The following KIAA0040 variants were observed in gnomAD, a reference collection of about 807,000 sequenced individuals.
The protein encoded by KIAA0040 is uncharacterized protein KIAA0040.
In KIAA0040, 10 loss-of-function variants were observed where a neutral mutation model predicts 7.2. The ratio of observed to expected loss-of-function variants is 1.38; its 90% CI spans 0.85 to 2.34. The LOEUF is 2.34. Ranked by LOEUF, KIAA0040 falls within the 30% of genes most tolerant of loss-of-function variation. KIAA0040 has a pLI of 0.00. For missense variants in KIAA0040, 89 were observed against 108.2 expected (o/e 0.82, Z 0.79); for synonymous variants, 49 against 40.1 (o/e 1.22, Z -0.84).
At chr1:175,170,722 C>A (rs1008562554) in intron 2 of KIAA0040, among the ~76,000 whole-genome samples, 1 of 152,144 alleles carries the variant, frequency 6.6e-6, no homozygotes, top group African/African-American at 2.4e-5. Context: ...CATGGCCAGG[C>A]CTTTGCTGTC....
At chr1:175,190,499 G>T (rs1285313848) in intron 1 of KIAA0040, among the ~76,000 whole-genome samples, 3 of 152,102 alleles carry the variant, frequency 2.0e-5, no homozygotes, top group Non-Finnish European at 4.4e-5. Context: ...TCCACAATCT[G>T]CTTCCCAAGC....
chr1:175,182,080 T>G (rs1372830025), intron 1 of KIAA0040, among the ~76,000 whole-genome samples: 2 of 152,196 alleles, frequency 1.3e-5, no homozygotes, highest in African/African-American at 2.4e-5. Context: ...AGGAGGCTGC[T>G]CCTGATGTTC....
chr1:175,176,669 C>CGTTTTT (rs1677203535), intron 2 of KIAA0040, among the ~76,000 whole-genome samples: 1 of 27,440 alleles, frequency 3.6e-5, no homozygotes, highest in African/African-American at 8.6e-5. Context: ...AAGTAGCATG[C>CGTTTTT]TTTTTTTTTT....
At chr1:175,177,469 C>T (rs1358595206) in intron 2 of KIAA0040, 142 bp downstream of exon 2, 2 of 152,140 alleles carry the variant, frequency 1.3e-5, no homozygotes, top group Non-Finnish European at 2.9e-5. Flanking sequence ...GGCCTAGGCC[C>T]CCTGTTCTGG....
intron 1 of KIAA0040, among the ~76,000 whole-genome samples, 187 bp from the exon 2 acceptor site, chr1:175,177,871 GTAAA>G: frequency 6.6e-6 from 1 of 152,174 alleles, no homozygotes; most frequent in African/African-American, 2.4e-5. Flanking sequence ...GGGTCCTTAG[GTAAA>G]AGCACATAGT....
chr1:175,173,022 T>C (rs1304937940), intron 2 of KIAA0040, among the ~76,000 whole-genome samples: 2 of 152,228 alleles, frequency 1.3e-5, no homozygotes, highest in Non-Finnish European at 2.9e-5. Flanking sequence ...TGAATTGGTG[T>C]AGAAAGTGAG....
At chr1:175,189,212 C>T (rs1302655326) in intron 1 of KIAA0040, among the ~76,000 whole-genome samples, 1 of 152,202 alleles carries the variant, frequency 6.6e-6, no homozygotes, top group Non-Finnish European at 1.5e-5. Context: ...ATTCCAACTT[C>T]ATGGGGTTGG....
chr1:175,171,015 A>G (rs1676971206), intron 2 of KIAA0040, among the ~76,000 whole-genome samples: 2 of 151,964 alleles, frequency 1.3e-5, no homozygotes, highest in Admixed American at 6.6e-5. Context: ...CGCGCCTACT[A>G]CTGGACCGTC....
At chr1:175,178,663 G>A (rs1045043636) in intron 1 of KIAA0040, among the ~76,000 whole-genome samples, 1 of 152,164 alleles carries the variant, frequency 6.6e-6, no homozygotes, top group African/African-American at 2.4e-5. Context: ...GAGCACTGAA[G>A]TCCTGCTCTG....
chr1:175,174,670 T>A (rs1418784128), intron 2 of KIAA0040, among the ~76,000 whole-genome samples: 2 of 152,208 alleles, frequency 1.3e-5, no homozygotes, highest in Non-Finnish European at 2.9e-5. Context: ...CTTCTCTTAC[T>A]GATGCAGTCC....
chr1:175,182,221 T>C (rs945526842), intron 1 of KIAA0040, among the ~76,000 whole-genome samples: 1 of 152,252 alleles, frequency 6.6e-6, no homozygotes, highest in African/African-American at 2.4e-5. Context: ...CACATTTGAC[T>C]ATGAAGGCAG....
chr1:175,161,041 AC>A lies in KIAA0040; in HGVS notation c.-29del. ...TGCTTGGCTAGATTAGGGCCAGAGA[AC>A]CCTCTCGGCTTACAAGCAGGTCCTG... On this transcript the variant is annotated 5_prime_UTR_variant, in exon 4 of 4. Transcript: ENST00000423313. 6.5e-7 allele frequency: 1 copy of A among 1,530,414 alleles called. No homozygotes were observed. 94.8% of individuals were successfully genotyped at this position (1,530,414 alleles called of 1,614,324 possible). A position where few individuals can be genotyped will look rare whatever the true frequency, so the allele number is the denominator to read the frequency against.
chr1:175,191,099 C>T (rs1035771489), intron 1 of KIAA0040, among the ~76,000 whole-genome samples: 10 of 152,180 alleles, frequency 6.6e-5, no homozygotes, highest in Admixed American at 2.6e-4. Flanking sequence ...TCCTGAACTG[C>T]AGTTTATTTC....
chr1:175,175,768 T>C (rs569302712), intron 2 of KIAA0040, among the ~76,000 whole-genome samples: 2 of 152,052 alleles, frequency 1.3e-5, no homozygotes, highest in Admixed American at 6.6e-5. Flanking sequence ...CAGCAGACTA[T>C]TGCAAGGACA....
At chr1:175,187,056 G>C (rs919316930) in intron 1 of KIAA0040, among the ~76,000 whole-genome samples, 1 of 152,222 alleles carries the variant, frequency 6.6e-6, no homozygotes, top group African/African-American at 2.4e-5. Flanking sequence ...GAAGCCATCA[G>C]TCATTTACAA....
chr1:175,159,127 G>A lies in KIAA0040; in HGVS notation c.*1587C>T, dbSNP rs957758641. ...GCATATTTGTAAATAAACTTCTAGAGCATAACTTGCTCCCAAGGAGTGAAT... is the reference window on the plus strand; with the variant it reads ...GCATATTTGTAAATAAACTTCTAGAACATAACTTGCTCCCAAGGAGTGAAT... On this transcript the variant is annotated 3_prime_UTR_variant, in exon 4 of 4. Transcript: ENST00000423313. 1 of 152,344 alleles carries A rather than the reference G, an allele frequency of 6.6e-6. No individual in the cohort carries two copies. The highest frequency in any genetic ancestry group is 1.5e-5 in the Non-Finnish European group (1 of 68,042). The allele number at this position is 152,344 out of a possible 1,614,324, so 9.4% of individuals were successfully genotyped here.
At chr1:175,167,108 A>AGGGGAAAC (rs1164808946) in intron 2 of KIAA0040, among the ~76,000 whole-genome samples, 1 of 152,212 alleles carries the variant, frequency 6.6e-6, no homozygotes, top group Non-Finnish European at 1.5e-5. Context: ...ATGCTATGAA[A>AGGGGAAAC]GGGGAAACAG....
At chr1:175,187,292 G>C (rs3766685) in intron 1 of KIAA0040, among the ~76,000 whole-genome samples, 74,414 of 152,006 alleles carry the variant, frequency 0.49, 18,763 homozygotes, top group Non-Finnish European at 0.56. Flanking sequence ...AAGAAAGTTT[G>C]GATGGACGTT....
At chr1:175,170,184 C>T (rs1347130359) in intron 2 of KIAA0040, among the ~76,000 whole-genome samples, 2 of 152,110 alleles carry the variant, frequency 1.3e-5, no homozygotes, top group Non-Finnish European at 2.9e-5. Flanking sequence ...TGGGAAAGCG[C>T]ATGGCACATC....
Sources: gnomAD v4.1 joint callset for allele counts (sites outside exome capture counted in the v4.1 genomes callset) on GRCh38, gnomAD v4.1.1 for gene constraint, MANE v1.5 for transcripts, NCBI Gene and HGNC (gene_info 2026-07-23, HGNC 2026-07-21) for gene names.